GLI2: variants seen among roughly 807,000 people sequenced by gnomAD.
GLI2 encodes the protein transcription activator GLI2.
GLI2 carries 22 observed loss-of-function variants against 78.9 expected under a neutral mutation model. That is an observed-to-expected ratio of 0.28 (90% CI 0.20 to 0.40). The LOEUF is 0.40. Among genes scored for constraint, GLI2 ranks in the 10% least tolerant of loss-of-function variants. The probability of loss-of-function intolerance (pLI) is 1.00; values close to 1 mark genes in which losing one functional copy is unlikely to be tolerated. For missense variants in GLI2, 2,097 were observed against 2,213.2 expected (o/e 0.95, Z 1.05); for synonymous variants, 974 against 963.7 (o/e 1.01, Z -0.20).
At chr2:120,918,502 G>T (rs1469749588) in intron 2 of GLI2, among the ~76,000 whole-genome samples, 1 of 148,592 alleles carries the variant, frequency 6.7e-6, no homozygotes, top group Non-Finnish European at 1.5e-5. Flanking sequence ...GTGCATTGGC[G>T]CAATCTCAGC....
At chr2:120,965,806 C>T (rs1179194949) in intron 5 of GLI2, among the ~76,000 whole-genome samples, 3 of 152,224 alleles carry the variant, frequency 2.0e-5, no homozygotes, top group East Asian at 3.8e-4. Context: ...CCATGGGCCT[C>T]CCTGCTTCTT....
At chr2:120,978,604 C>T (rs958458965) in intron 10 of GLI2, 21 bp downstream of exon 10, 1 of 1,606,572 alleles carries the variant, frequency 6.2e-7, no homozygotes, top group African/African-American at 1.3e-5. Flanking sequence ...TTCTCCCCAC[C>T]CCCGCCGCAG....
chr2:120,905,592 TGGGAGCAGG>T (rs1678483547), intron 2 of GLI2, among the ~76,000 whole-genome samples: 1 of 152,302 alleles, frequency 6.6e-6, no homozygotes, highest in East Asian at 1.9e-4. Flanking sequence ...TCTCTGTGTC[TGGGAGCAGG>T]GAGTTGCCAA....
Position 120,951,329 on chromosome 2 carries a change from C to G in GLI2, c.341C>G (p.Pro114Arg), listed in dbSNP as rs1356938307. The change falls in exon 4 of 14, where the codon CCC becomes CGC. Residue 114 changes from proline (P) to arginine (R), a missense_variant. Pro to Arg is a moderately radical substitution (Grantham distance 103). Coordinates refer to ENST00000361492, the MANE Select transcript of GLI2 (RefSeq NM_001374353.1). ...CACCCGGCTGGCCCTGGGGAGTCCC[C>G]CTTCAACGCCCCCCACCCGTACGTG... ...SPHPAGPGES[P>R]FNAPHPYVNP... The G allele has an allele frequency of 6.3e-7, 1 of 1,581,992 alleles. No homozygotes were observed. The highest frequency in any genetic ancestry group is 8.7e-7 in the Non-Finnish European group (1 of 1,150,812).
chr2:120,900,398 T>TGCTGCA (rs1678195143), intron 2 of GLI2, among the ~76,000 whole-genome samples: 1 of 152,242 alleles, frequency 6.6e-6, no homozygotes. Flanking sequence ...TGATGGCCAC[T>TGCTGCA]GCTGCAGCTG....
chr2:120,858,211 G>A (rs1024056940), intron 2 of GLI2, among the ~76,000 whole-genome samples: 1 of 152,196 alleles, frequency 6.6e-6, no homozygotes, highest in African/African-American at 2.4e-5. Context: ...TGCCAGCTGT[G>A]TGGCTTTCAA....
chr2:120,945,743 C>T (rs904932154), intron 3 of GLI2, among the ~76,000 whole-genome samples: 4 of 152,160 alleles, frequency 2.6e-5, no homozygotes, highest in African/African-American at 7.2e-5. Context: ...GCAACCCTTG[C>T]GGACAGAGAG....
At chr2:120,833,302 G>C (rs1035291002) in intron 2 of GLI2, among the ~76,000 whole-genome samples, 2 of 151,810 alleles carry the variant, frequency 1.3e-5, no homozygotes, top group Non-Finnish European at 2.9e-5. Context: ...GGGTTCCTAA[G>C]GGCTGTAACC....
chr2:120,945,955 T>TCACACACACACACA (rs1240890746), intron 3 of GLI2, among the ~76,000 whole-genome samples: 30 of 11,558 alleles, frequency 2.6e-3, no homozygotes, highest in Non-Finnish European at 8.6e-3. Context: ...GGCATAACCT[T>TCACACACACACACA]CTCACACACA....
chr2:120,974,706 C>T (rs1317309630), intron 8 of GLI2, among the ~76,000 whole-genome samples: 2 of 152,124 alleles, frequency 1.3e-5, no homozygotes, highest in Admixed American at 1.3e-4. Flanking sequence ...GAGGAAGGGC[C>T]CCAGGACAGG....
At chr2:120,940,413 C>T (rs1335546976) in intron 3 of GLI2, among the ~76,000 whole-genome samples, 2 of 152,148 alleles carry the variant, frequency 1.3e-5, no homozygotes, top group African/African-American at 4.8e-5. Flanking sequence ...AGCTATTCTC[C>T]CATCTCAGAA....
At chr2:120,925,540 C>T (rs76007719) in intron 2 of GLI2, among the ~76,000 whole-genome samples, 2,656 of 152,236 alleles carry the variant, frequency 0.017, 84 homozygotes, top group African/African-American at 0.061. Context: ...GGACATTATG[C>T]GAAGTGAAAT....
intron 2 of GLI2, among the ~76,000 whole-genome samples, chr2:120,898,387 G>A (rs533583576): frequency 6.6e-6 from 1 of 152,244 alleles, no homozygotes; most frequent in African/African-American, 2.4e-5. Context: ...TGGAGCACTC[G>A]CAGAAGGAAA....
At chr2:120,885,648 T>A (rs1214168616) in intron 2 of GLI2, among the ~76,000 whole-genome samples, 1 of 152,206 alleles carries the variant, frequency 6.6e-6, no homozygotes, top group African/African-American at 2.4e-5. Context: ...AGGCAGCTGC[T>A]GGCAGCAGGA....
chr2:120,897,079 A>G (rs1348524479), intron 2 of GLI2, among the ~76,000 whole-genome samples: 1 of 152,186 alleles, frequency 6.6e-6, no homozygotes, highest in Non-Finnish European at 1.5e-5. Flanking sequence ...ACTGTTCCCC[A>G]TGGGGCTGCC....
intron 2 of GLI2, among the ~76,000 whole-genome samples, chr2:120,846,380 C>T (rs1687116951): frequency 1.3e-5 from 2 of 152,220 alleles, no homozygotes; most frequent in African/African-American, 4.8e-5. Context: ...TCAGCCATAA[C>T]TGGCTGGGCC....
chr2:120,753,837 GC>G (rs1682955942), intron 1 of GLI2, among the ~76,000 whole-genome samples: 2 of 151,136 alleles, frequency 1.3e-5, no homozygotes, highest in Non-Finnish European at 2.9e-5. Context: ...GGCGGAGCTT[GC>G]AGTGATCTTG....
At chr2:120,983,777 C>T (rs189189873) in intron 11 of GLI2, among the ~76,000 whole-genome samples, 89 of 152,318 alleles carry the variant, frequency 5.8e-4, no homozygotes, top group Non-Finnish European at 1.1e-3. Context: ...ATATCCTGGA[C>T]CCCAAAGGGA....
At chr2:120,810,054 G>A (rs908726525) in intron 2 of GLI2, among the ~76,000 whole-genome samples, 4 of 152,218 alleles carry the variant, frequency 2.6e-5, no homozygotes, top group Non-Finnish European at 4.4e-5. Context: ...CCCCAGGGGC[G>A]GGGGCCCTGT....
Sources: gnomAD v4.1 joint callset for allele counts (sites outside exome capture counted in the v4.1 genomes callset) on GRCh38, gnomAD v4.1.1 for gene constraint, MANE v1.5 for transcripts, NCBI Gene and HGNC (gene_info 2026-07-23, HGNC 2026-07-21) for gene names.